Variants in RAB27B observed in about 807,000 individuals in gnomAD.
RAB27B encodes RAB27B, member RAS oncogene family.
A neutral mutation model predicts 24.6 loss-of-function variants in RAB27B; 15 were observed. The observed-to-expected ratio is 0.61, with a 90% CI of 0.41 to 0.94. The LOEUF (loss-of-function observed/expected upper bound fraction) is 0.94. Among genes scored for constraint, RAB27B ranks in the 40% least tolerant of loss-of-function variants. RAB27B has a pLI of 0.00. For synonymous variants in RAB27B, 105 were observed against 92.5 expected, an observed-to-expected ratio of 1.14 and a Z score of -0.78; for missense variants, 261 against 266.8, an observed-to-expected ratio of 0.98 and a Z score of 0.15.
intron 1 of RAB27B, among the ~76,000 whole-genome samples, chr18:54,850,815 A>C (rs533054355): frequency 6.6e-6 from 1 of 150,904 alleles, no homozygotes; most frequent in South Asian, 2.1e-4. Context: ...AAAATTATTA[A>C]AAATATTAAT....
At chr18:54,738,295 C>T (rs1049617304) in intron 2 of RAB27B, among the ~76,000 whole-genome samples, 2 of 152,116 alleles carry the variant, frequency 1.3e-5, no homozygotes, top group South Asian at 2.1e-4. Context: ...GGTTGGGCTC[C>T]GTGTCCCCAC....
chr18:54,760,588 A>T (rs1908154660), intron 2 of RAB27B, among the ~76,000 whole-genome samples: 1 of 152,246 alleles, frequency 6.6e-6, no homozygotes, highest in Non-Finnish European at 1.5e-5. Flanking sequence ...CAGGCAACAG[A>T]TGATGACTTG....
At chr18:54,838,904 G>A (rs1449439823) in intron 1 of RAB27B, among the ~76,000 whole-genome samples, 1 of 151,870 alleles carries the variant, frequency 6.6e-6, no homozygotes, top group East Asian at 1.9e-4. Flanking sequence ...ACATTATTTT[G>A]GGAAATATCA....
chr18:54,785,062 C>T (rs1184935258), intron 2 of RAB27B, among the ~76,000 whole-genome samples: 4 of 152,096 alleles, frequency 2.6e-5, no homozygotes. Context: ...CAGTCACATT[C>T]CTGCCTCAGG....
chr18:54,778,966 A>G (rs755981396), intron 2 of RAB27B, among the ~76,000 whole-genome samples: 1 of 151,748 alleles, frequency 6.6e-6, no homozygotes, highest in Non-Finnish European at 1.5e-5. Context: ...CAGCCTCCTG[A>G]GTAGCTGGGA....
At position 54,800,618 on chromosome 18, in the gene RAB27B, T is replaced by C. The variant is rs544650470; in HGVS notation, c.-19-76949T>C. Reference sequence around the variant, plus strand: ...TACCTTTTGTAATTTTTGTCTACACTTTAATTGGAGTATTCCTTGCAGTAC... The same window carrying C: ...TACCTTTTGTAATTTTTGTCTACACCTTAATTGGAGTATTCCTTGCAGTAC... On this transcript the variant is annotated intron_variant, in intron 2 of 4. Transcript: ENST00000586570. Among the ~76,000 whole-genome samples, 3 of 152,338 alleles carry C rather than the reference T, an allele frequency of 2.0e-5. No homozygotes were observed. In the East Asian group the frequency reaches 5.8e-4, roughly 29 times the overall value.
intron 1 of RAB27B, among the ~76,000 whole-genome samples, chr18:54,868,869 T>G (rs907728816): frequency 6.6e-6 from 1 of 152,174 alleles, no homozygotes; most frequent in Non-Finnish European, 1.5e-5. Context: ...CTGTTTTTAT[T>G]AAGAGGCATT....
chr18:54,830,787 AT>A (rs1910643984), intron 1 of RAB27B, among the ~76,000 whole-genome samples: 1 of 152,210 alleles, frequency 6.6e-6, no homozygotes, highest in Non-Finnish European at 1.5e-5. Context: ...TTCTCCAAAT[AT>A]TAACCTCCCA....
intron 2 of RAB27B, among the ~76,000 whole-genome samples, chr18:54,759,770 T>G (rs1908124127): frequency 6.6e-6 from 1 of 152,090 alleles, no homozygotes; most frequent in African/African-American, 2.4e-5. Context: ...AGCTGGGTGT[T>G]GGAGAGGAGC....
At chr18:54,811,286 A>G (rs922090142) in intron 2 of RAB27B, among the ~76,000 whole-genome samples, 1 of 152,132 alleles carries the variant, frequency 6.6e-6, no homozygotes, top group Non-Finnish European at 1.5e-5. Context: ...TAGCCTCAGG[A>G]GGTTCTGATG....
At chr18:54,887,853 A>T (rs78251208) in intron 4 of RAB27B, 142 bp from the exon 5 acceptor site, 2 of 863,922 alleles carry the variant, frequency 2.3e-6, no homozygotes, top group African/African-American at 3.4e-5. Flanking sequence ...TGTGACTGGG[A>T]AGAGGAAGTA....
intron 2 of RAB27B, among the ~76,000 whole-genome samples, chr18:54,789,656 G>GA (rs1003867548): frequency 6.6e-5 from 10 of 151,016 alleles, no homozygotes; most frequent in East Asian, 1.9e-4. Flanking sequence ...CTACTGTTAG[G>GA]AAAAAAAACA....
chr18:54,755,841 G>T (rs1201623779), intron 2 of RAB27B, among the ~76,000 whole-genome samples: 2 of 152,134 alleles, frequency 1.3e-5, no homozygotes, highest in African/African-American at 4.8e-5. Flanking sequence ...GTATCAGTGG[G>T]CAATGATCTT....
chr18:54,736,393 T>A (rs1909893933), intron 2 of RAB27B, among the ~76,000 whole-genome samples: 1 of 152,126 alleles, frequency 6.6e-6, no homozygotes, highest in Admixed American at 6.5e-5. Context: ...AAGAACTACT[T>A]TACCATGGTT....
chr18:54,729,500 G>A (rs1909663742), intron 2 of RAB27B, among the ~76,000 whole-genome samples: 1 of 152,104 alleles, frequency 6.6e-6, no homozygotes, highest in Admixed American at 6.5e-5. Context: ...TTAAAAGCAA[G>A]GTGGATGGAA....
intron 2 of RAB27B, among the ~76,000 whole-genome samples, chr18:54,817,188 A>T (rs1910148659): frequency 6.6e-6 from 1 of 152,220 alleles, no homozygotes; most frequent in Non-Finnish European, 1.5e-5. Context: ...CTCAACAAAC[A>T]TTCATTCTTT....
chr18:54,775,379 T>A (rs539029310), intron 2 of RAB27B, among the ~76,000 whole-genome samples: 2 of 152,358 alleles, frequency 1.3e-5, no homozygotes, highest in East Asian at 3.9e-4. Flanking sequence ...GTAGATTTCT[T>A]GGCCTAAGTT....
At chr18:54,754,132 G>A (rs1209065020) in intron 2 of RAB27B, among the ~76,000 whole-genome samples, 4 of 151,554 alleles carry the variant, frequency 2.6e-5, no homozygotes, top group Non-Finnish European at 5.9e-5. Flanking sequence ...GAGACCGGGT[G>A]GGAGGTGATT....
intron 2 of RAB27B, among the ~76,000 whole-genome samples, chr18:54,819,089 G>A (rs1261808586): frequency 2.0e-5 from 3 of 150,428 alleles, no homozygotes; most frequent in Non-Finnish European, 3.0e-5. Flanking sequence ...AGAAGGAATT[G>A]TATGGCCGTA....
Sources: allele counts gnomAD v4.1 joint callset (sites outside exome capture counted in the v4.1 genomes callset), GRCh38; gene constraint gnomAD v4.1.1; transcripts MANE v1.5; gene names NCBI Gene and HGNC (gene_info 2026-07-23, HGNC 2026-07-21).